TMTC1: variants seen among roughly 807,000 people sequenced by gnomAD.
TMTC1 encodes the protein protein O-mannosyl-transferase TMTC1.
TMTC1 carries 73 observed loss-of-function variants against 104.8 expected under a neutral mutation model. That is an observed-to-expected ratio of 0.70 (90% CI 0.58 to 0.85). The LOEUF (loss-of-function observed/expected upper bound fraction) is 0.85, where lower values mean the gene tolerates loss of function less well. Among genes scored for constraint, TMTC1 ranks in the 40% least tolerant of loss-of-function variants. The pLI, the probability that TMTC1 is intolerant of heterozygous loss-of-function variation, is 0.00. For synonymous variants in TMTC1, 434 were observed against 428.7 expected, an observed-to-expected ratio of 1.01 and a Z score of -0.15; for missense variants, 1,035 against 1,096.1, an observed-to-expected ratio of 0.94 and a Z score of 0.79.
Position 29,501,121 on chromosome 12 carries a change from A to C in TMTC1, c.*5725T>G, listed in dbSNP as rs1005196626. On this transcript the variant is annotated 3_prime_UTR_variant, in exon 18 of 18. Coordinates refer to ENST00000539277, the MANE Select transcript of TMTC1 (RefSeq NM_001193451.2). ...AATCAAATGATTTCCACATTATAAAAGCAAGCCATGGCTTCTACAGATATT... is the reference window on the plus strand; with the variant it reads ...AATCAAATGATTTCCACATTATAAACGCAAGCCATGGCTTCTACAGATATT... The C allele has an allele frequency of 1.3e-5, 2 of 152,440 alleles. No homozygotes were observed. The highest frequency in any genetic ancestry group is 6.5e-5 in the Admixed American group (1 of 15,284). The allele number at this position is 152,440 out of a possible 1,614,324, so 9.4% of individuals were successfully genotyped here.
At chr12:29,517,138 GATAA>G (rs1402700191) in intron 14 of TMTC1, among the ~76,000 whole-genome samples, 1 of 152,196 alleles carries the variant, frequency 6.6e-6, no homozygotes, top group Non-Finnish European at 1.5e-5. Flanking sequence ...ACAATGGAGT[GATAA>G]ATGAATCAAA....
At chr12:29,631,197 G>A (rs1938279459) in intron 6 of TMTC1, among the ~76,000 whole-genome samples, 1 of 152,076 alleles carries the variant, frequency 6.6e-6, no homozygotes, top group South Asian at 2.1e-4. Flanking sequence ...CTCCCAATTT[G>A]TGGCTTGCCT....
intron 5 of TMTC1, chr12:29,660,831 T>A: frequency 6.7e-7 from 1 of 1,493,656 alleles, no homozygotes; most frequent in Non-Finnish European, 8.9e-7. Context: ...TGGCCCTTTT[T>A]AAAAATGGTC....
intron 10 of TMTC1, among the ~76,000 whole-genome samples, chr12:29,540,541 A>G (rs1201161975): frequency 1.3e-5 from 2 of 152,178 alleles, no homozygotes; most frequent in Non-Finnish European, 2.9e-5. Context: ...CACTCGCTGA[A>G]ATGTTATACA....
At chr12:29,702,684 G>A (rs573928282) in intron 5 of TMTC1, among the ~76,000 whole-genome samples, 2 of 152,150 alleles carry the variant, frequency 1.3e-5, no homozygotes, top group Admixed American at 6.5e-5. Context: ...CCGAGGCAGC[G>A]CAGGCCATTG....
chr12:29,573,668 C>T (rs1194889016), intron 8 of TMTC1, among the ~76,000 whole-genome samples: 1 of 152,122 alleles, frequency 6.6e-6, no homozygotes, highest in Non-Finnish European at 1.5e-5. Context: ...TGAAATTAGC[C>T]TCTGGAGGAA....
At chr12:29,618,271 G>T (rs547477066) in intron 6 of TMTC1, among the ~76,000 whole-genome samples, 1 of 152,326 alleles carries the variant, frequency 6.6e-6, no homozygotes, top group Admixed American at 6.5e-5. Flanking sequence ...AATGGGTAAA[G>T]TCAAAAGTTA....
chr12:29,676,901 C>T (rs186480127), intron 5 of TMTC1, among the ~76,000 whole-genome samples: 6 of 152,230 alleles, frequency 3.9e-5, no homozygotes, highest in African/African-American at 1.4e-4. Context: ...GCTGGCATGC[C>T]ACAGTGTGTG....
chr12:29,711,765 G>C lies in TMTC1; in HGVS notation c.938+39901C>G, dbSNP rs748639050. The stretch of plus-strand genomic sequence containing the variant: ...TCATGCCTGTAATCCCAGCACTTTG[G>C]GGGGCCAAGGCAGGCAGATCATGAG... On this transcript the variant is annotated intron_variant, in intron 5 of 17. Transcript: ENST00000539277. Among the ~76,000 whole-genome samples the C allele has an allele frequency of 4.3e-4, 66 of 152,038 alleles. 1 individual carries two copies. Among genetic ancestry groups the C allele is most frequent in the Admixed American group, 2.0e-4 (3 of 15,270 alleles).
At chr12:29,645,378 T>G (rs1470647530) in intron 5 of TMTC1, among the ~76,000 whole-genome samples, 1 of 152,206 alleles carries the variant, frequency 6.6e-6, no homozygotes, top group Non-Finnish European at 1.5e-5. Flanking sequence ...GCCAGCTTAT[T>G]TTTTCTTATT....
chr12:29,636,405 C>G (rs1938551383), intron 5 of TMTC1, among the ~76,000 whole-genome samples: 1 of 152,170 alleles, frequency 6.6e-6, no homozygotes, highest in South Asian at 2.1e-4. Flanking sequence ...ACGTTTTGGC[C>G]TTGCTCTGCA....
At position 29,783,616 on chromosome 12, in the gene TMTC1, G is replaced by T. The variant is rs1943889189; in HGVS notation, c.136C>A (p.Gln46Lys). 2 of 1,469,532 alleles carry T rather than the reference G, an allele frequency of 1.4e-6. No homozygotes were observed. Among genetic ancestry groups the T allele is most frequent in the Non-Finnish European group, 1.8e-6 (2 of 1,113,582 alleles). The allele number at this position is 1,469,532 out of a possible 1,614,324, so 91.0% of individuals were successfully genotyped here. Residue 46 changes from glutamine to lysine, a missense_variant, in exon 1 of 18, where the codon CAG becomes AAG. Coordinates refer to ENST00000539277, the MANE Select transcript of TMTC1 (RefSeq NM_001193451.2). This position sits in a 1 kb window ranked among gnomAD's most constrained non-coding sequence, Gnocchi z 4.7. ...ACGTCGTCGTGCACGAACTCGCCCTGCAGGGAGCGGCCGTAGCACAGGCAG... is the reference window on the plus strand; with the variant it reads ...ACGTCGTCGTGCACGAACTCGCCCTTCAGGGAGCGGCCGTAGCACAGGCAG... Reference protein sequence around the residue: ...ASCLCYGRSLQGEFVHDDVWA... With the variant: ...ASCLCYGRSLKGEFVHDDVWA...
At chr12:29,661,690 C>G (rs975800929) in intron 5 of TMTC1, among the ~76,000 whole-genome samples, 1 of 152,190 alleles carries the variant, frequency 6.6e-6, no homozygotes, top group Non-Finnish European at 1.5e-5. Context: ...CCCACCTCAG[C>G]CTCCCAAAGT....
intron 5 of TMTC1, among the ~76,000 whole-genome samples, chr12:29,745,808 A>G (rs2136956500): frequency 6.6e-6 from 1 of 152,258 alleles, no homozygotes. Flanking sequence ...CAGTGTCATT[A>G]TATAGTTCAG....
At chr12:29,726,960 T>G (rs1370657342) in intron 5 of TMTC1, among the ~76,000 whole-genome samples, 1 of 152,234 alleles carries the variant, frequency 6.6e-6, no homozygotes, top group Non-Finnish European at 1.5e-5. Context: ...AACAACCTTC[T>G]CCACAATCTT....
At chr12:29,561,642 T>G (rs1945380343) in intron 9 of TMTC1, among the ~76,000 whole-genome samples, 1 of 152,102 alleles carries the variant, frequency 6.6e-6, no homozygotes, top group Non-Finnish European at 1.5e-5. Flanking sequence ...TAAAATCAAG[T>G]TTTGAATTTT....
rs375596665 is a variant in TMTC1 at position 29,610,321 on chromosome 12, T to C, written c.1129-6022A>G. Reference sequence around the variant, plus strand: ...CAGCCCTCGAGTGAAGCACCCTGTTTAAGGCCACCGAGGCTATAAGAAATT... The same window carrying C: ...CAGCCCTCGAGTGAAGCACCCTGTTCAAGGCCACCGAGGCTATAAGAAATT... On this transcript the variant is annotated intron_variant, in intron 6 of 17. Coordinates refer to ENST00000539277, the MANE Select transcript of TMTC1 (RefSeq NM_001193451.2). 1.1e-4 allele frequency among the ~76,000 whole-genome samples: 17 copies of C among 152,268 alleles called. No individual in the cohort carries two copies. The East Asian group carries it at 3.3e-3, about 29-fold the overall frequency.
intron 5 of TMTC1, among the ~76,000 whole-genome samples, chr12:29,686,466 T>C (rs1164857058): frequency 6.6e-6 from 1 of 152,206 alleles, no homozygotes; most frequent in East Asian, 1.9e-4. Context: ...TATTATTTGC[T>C]CATTTCTGTG....
chr12:29,516,450 CT>C lies in TMTC1; in HGVS notation c.2205del (p.Ala736LeufsTer4). On this transcript the variant is annotated frameshift_variant, in exon 15 of 18. Transcript: ENST00000539277. LOFTEE classifies it high-confidence loss of function. Reference sequence around the variant, plus strand: ...ACAATGTGATTGGTCATCTTTTCAGCTTCTTTTGTCTGACCCATCACGGCCA... The same window carrying C: ...ACAATGTGATTGGTCATCTTTTCAGCTCTTTTGTCTGACCCATCACGGCCA... ...QVLAVMGQTKEAEKMTNHIVS... is the reference protein window; with the variant it reads ...QVLAVMGQTKXAEKMTNHIVS... 6.2e-7 allele frequency: 1 copy of C among 1,613,930 alleles called. No individual in the cohort carries two copies. Among genetic ancestry groups the C allele is most frequent in the South Asian group, 1.1e-5 (1 of 91,066 alleles).
Sources: gnomAD v4.1 joint callset for allele counts (sites outside exome capture counted in the v4.1 genomes callset) on GRCh38, gnomAD v4.1.1 for gene constraint, Gnocchi (gnomAD v3.1) non-coding constraint, MANE v1.5 for transcripts, NCBI Gene and HGNC (gene_info 2026-07-23, HGNC 2026-07-21) for gene names.